Variants in TUSC3 observed in about 807,000 individuals in gnomAD.
TUSC3 encodes the protein dolichyl-diphosphooligosaccharide--protein glycosyltransferase subunit TUSC3.
A neutral mutation model predicts 44.8 loss-of-function variants in TUSC3; 45 were observed. The ratio of observed to expected loss-of-function variants is 1.00; its 90% CI spans 0.79 to 1.29. The LOEUF (loss-of-function observed/expected upper bound fraction) is 1.29. Among genes scored for constraint, TUSC3 ranks in the 50% most tolerant of loss-of-function variants. The pLI is 0.00. For missense variants in TUSC3, 519 were observed against 437.9 expected (o/e 1.19, Z -1.65); for synonymous variants, 212 against 152.9 (o/e 1.39, Z -2.85).
chr8:15,573,168 T>TCTTTCTCTC lies in TUSC3; in HGVS notation c.138+32600_138+32601insCTTTCTCTC, dbSNP rs1563296867. 1.2e-3 allele frequency among the ~76,000 whole-genome samples: 104 copies of TCTTTCTCTC among 85,510 alleles called. 1 individual carries two copies. Among genetic ancestry groups the TCTTTCTCTC allele is most frequent in the African/African-American group, 4.7e-3 (94 of 19,982 alleles). The allele number at this position is 85,510 out of a possible 152,430, so 56.1% of individuals were successfully genotyped here. On this transcript the variant is annotated intron_variant, in intron 1 of 10. Coordinates refer to ENST00000503731, the MANE Select transcript of TUSC3 (RefSeq NM_006765.4). ...TGCTTCAGTATAGTGTTCTCTCTCTTTCTCTCTCTCTCTCTCTCTCTCTCT... is the reference window on the plus strand; with the variant it reads ...TGCTTCAGTATAGTGTTCTCTCTCTTCTTTCTCTCTCTCTCTCTCTCTCTCTCTCTCTCT...
chr8:15,538,834 T>C (rs1801575831), upstream of TUSC3, among the ~76,000 whole-genome samples: 2 of 151,530 alleles, frequency 1.3e-5, no homozygotes, highest in Admixed American at 6.6e-5. Context: ...AAGTATTATA[T>C]ATATAATATT....
Position 15,700,849 on chromosome 8 carries a change from C to CTTTTTTTTTTTTTTTTTTTTTTTTTTT in TUSC3, c.798+27031_798+27032insTTTTTTTTTTTTTTTTTTTTTTTTTTT, listed in dbSNP as rs71211076. On this transcript the variant is annotated intron_variant, in intron 6 of 10. Coordinates refer to ENST00000503731, the MANE Select transcript of TUSC3 (RefSeq NM_006765.4). ...CTTTCACTAGAGGGAATGGCTGGAG[C>CTTTTTTTTTTTTTTTTTTTTTTTTTTT]TTTTTTTTTTTTTTTTTTGCTTTGC... Among the ~76,000 whole-genome samples the CTTTTTTTTTTTTTTTTTTTTTTTTTTT allele has an allele frequency of 3.2e-4, 29 of 90,536 alleles. 4 individuals carry two copies. The highest frequency in any genetic ancestry group is 1.6e-3 in the East Asian group (4 of 2,556). 59.4% of individuals were successfully genotyped at this position (90,536 alleles called of 152,430 possible). A position where few individuals can be genotyped will look rare whatever the true frequency, so the allele number is the denominator to read the frequency against.
intron 6 of TUSC3, among the ~76,000 whole-genome samples, chr8:15,690,559 T>C (rs1041764792): frequency 6.6e-5 from 10 of 152,182 alleles, no homozygotes; most frequent in Admixed American, 6.5e-4. Context: ...AGTGTCTTCA[T>C]CATGAAATCT....
At chr8:15,678,801 CG>C in intron 6 of TUSC3, among the ~76,000 whole-genome samples, 1 of 152,102 alleles carries the variant, frequency 6.6e-6, no homozygotes, top group East Asian at 1.9e-4. Flanking sequence ...TTTTGGAGTC[CG>C]TAGCATCTGT....
At chr8:15,477,324 A>G (rs564879365) in intron 1 of TUSC3, among the ~76,000 whole-genome samples, 25 of 152,302 alleles carry the variant, frequency 1.6e-4, no homozygotes, top group Admixed American at 4.6e-4. Flanking sequence ...AACTTTGCCT[A>G]TAACCTAATA....
At chr8:15,472,703 A>C (rs113615055) in intron 1 of TUSC3, among the ~76,000 whole-genome samples, 2 of 152,314 alleles carry the variant, frequency 1.3e-5, no homozygotes, top group African/African-American at 4.8e-5. Context: ...TTGCACTAGA[A>C]ACCAGGTTAA....
intron 2 of TUSC3, among the ~76,000 whole-genome samples, chr8:15,643,040 G>A (rs890263359): frequency 6.6e-6 from 1 of 152,116 alleles, no homozygotes. Context: ...GTTTTGGGAG[G>A]GACCCATGTT....
intron 1 of TUSC3, among the ~76,000 whole-genome samples, chr8:15,584,810 G>C (rs1803529461): frequency 6.6e-6 from 1 of 152,038 alleles, no homozygotes; most frequent in South Asian, 2.1e-4. Flanking sequence ...TTCAAATAGT[G>C]GGATCTTTTA....
At chr8:15,728,168 A>G (rs939274360) in intron 6 of TUSC3, among the ~76,000 whole-genome samples, 5 of 152,200 alleles carry the variant, frequency 3.3e-5, no homozygotes, top group Admixed American at 6.5e-5. Flanking sequence ...TTTTTCTCAC[A>G]CATCTGAGAA....
chr8:15,753,604 T>C (rs1014094849), intron 9 of TUSC3, among the ~76,000 whole-genome samples: 2 of 152,120 alleles, frequency 1.3e-5, no homozygotes, highest in Admixed American at 6.5e-5. Context: ...TTAGTAATAA[T>C]ATATTTTACT....
intron 1 of TUSC3, among the ~76,000 whole-genome samples, chr8:15,461,181 G>C (rs1436833061): frequency 6.6e-6 from 1 of 152,136 alleles, no homozygotes; most frequent in South Asian, 2.1e-4. Context: ...GTTTCCCTTT[G>C]TGTTGTCTGT....
Position 15,711,979 on chromosome 8 carries a change from G to C in TUSC3, c.799-18687G>C, listed in dbSNP as rs1465061099. Among the ~76,000 whole-genome samples, 5 of 151,912 alleles carry C rather than the reference G, an allele frequency of 3.3e-5. No homozygotes were observed. The East Asian group carries it at 5.8e-4, about 18-fold the overall frequency. ...TGAACTTCATGAATATTATTGTTGT[G>C]ATTTGTTCAGACCTTGATTTTTAAT... On this transcript the variant is annotated intron_variant, in intron 6 of 10. Transcript: ENST00000503731.
intron 1 of TUSC3, among the ~76,000 whole-genome samples, chr8:15,563,568 A>G (rs1362525705): frequency 1.3e-5 from 2 of 151,422 alleles, no homozygotes; most frequent in Non-Finnish European, 2.9e-5. Flanking sequence ...TGCCTGTAAT[A>G]CCAGCTACTC....
intron 1 of TUSC3, among the ~76,000 whole-genome samples, chr8:15,477,812 A>G (rs1370905305): frequency 6.6e-6 from 1 of 152,086 alleles, no homozygotes; most frequent in Non-Finnish European, 1.5e-5. Context: ...TCTACATGTG[A>G]TGGTATTGAA....
chr8:15,616,699 C>A lies in TUSC3; in HGVS notation c.139-6381C>A, dbSNP rs535206581. Among the ~76,000 whole-genome samples, 3 of 152,280 alleles carry A rather than the reference C, an allele frequency of 2.0e-5. No individual in the cohort carries two copies. In the South Asian group the frequency reaches 6.2e-4, roughly 32 times the overall value. On this transcript the variant is annotated intron_variant, in intron 1 of 10. Transcript: ENST00000503731. ...GCTGTGGGTGGCAGGAAGGAGAGAG[C>A]GCTACAACAGTCCTTGGGGGCTCTG...
intron 6 of TUSC3, among the ~76,000 whole-genome samples, chr8:15,726,372 C>T (rs1810497502): frequency 6.6e-6 from 1 of 151,952 alleles, no homozygotes; most frequent in South Asian, 2.1e-4. Context: ...TCATATTATG[C>T]TATGCTATTT....
At chr8:15,812,220 T>C in the TUSC3 span, among the ~76,000 whole-genome samples, 1 of 152,324 alleles carries the variant, frequency 6.6e-6, no homozygotes, top group Admixed American at 6.5e-5. Flanking sequence ...AATGTAAAAA[T>C]ATCTGTTTCT....
At chr8:15,807,507 A>T in the TUSC3 span, among the ~76,000 whole-genome samples, 1 of 152,106 alleles carries the variant, frequency 6.6e-6, no homozygotes, top group Non-Finnish European at 1.5e-5. Context: ...CGACCCAGAA[A>T]TCCCACTACT....
chr8:15,466,390 C>G (rs1024533902), intron 1 of TUSC3, among the ~76,000 whole-genome samples: 2 of 151,982 alleles, frequency 1.3e-5, no homozygotes, highest in Non-Finnish European at 2.9e-5. Flanking sequence ...ACCTTAGAAC[C>G]TAATGTAAGT....
Sources: gnomAD v4.1 joint callset for allele counts (sites outside exome capture counted in the v4.1 genomes callset) on GRCh38, gnomAD v4.1.1 for gene constraint, MANE v1.5 for transcripts, NCBI Gene and HGNC (gene_info 2026-07-23, HGNC 2026-07-21) for gene names.